The following CHD2 variants were observed in gnomAD, a reference collection of about 807,000 sequenced individuals.
CHD2 encodes the protein ATP-dependent chromatin remodeler CHD2.
A neutral mutation model predicts 243.9 loss-of-function variants in CHD2; 28 were observed. The observed-to-expected ratio is 0.11, with a 90% CI of 0.09 to 0.16. The LOEUF is 0.16. Ranked by LOEUF, CHD2 falls within the 10% of genes least tolerant of loss-of-function variation. The pLI is 1.00. For missense variants in CHD2, 1,386 were observed against 2,209.8 expected, an observed-to-expected ratio of 0.63 and a Z score of 7.47; for synonymous variants, 775 against 779.0, an observed-to-expected ratio of 0.99 and a Z score of 0.09.
intron 2 of CHD2, among the ~76,000 whole-genome samples, chr15:92,914,330 T>G (rs1034596952): frequency 5.9e-5 from 9 of 152,246 alleles, no homozygotes; most frequent in Non-Finnish European, 5.9e-5. Flanking sequence ...TTTTGTCTTT[T>G]GTGTATTAGC....
chr15:93,014,868 A>G lies in CHD2; in HGVS notation c.4865A>G (p.Asp1622Gly). ...HGPQMHGHPR[D>G]NYNHPNKRHF... The stretch of plus-strand genomic sequence containing the variant: ...CCACAGATGCATGGACACCCAAGAG[A>G]TAACTACAATCACCCCAACAAGAGA... Residue 1622 changes from aspartate (D) to glycine (G), a missense_variant, in exon 37 of 39, where the codon GAT (aspartate) becomes GGT (glycine). Around this residue, in one of 19 missense-constraint regions of CHD2, gnomAD observed 347 missense variants for 341.6 expected, o/e 1.02. Transcript: ENST00000394196. 6.2e-7 allele frequency: 1 copy of G among 1,614,148 alleles called. No individual in the cohort carries two copies. The highest frequency in any genetic ancestry group is 8.5e-7 in the Non-Finnish European group (1 of 1,180,026).
intron 36 of CHD2, among the ~76,000 whole-genome samples, chr15:93,013,158 A>G (rs1242042496): frequency 1.3e-5 from 2 of 152,364 alleles, no homozygotes; most frequent in East Asian, 1.9e-4. Flanking sequence ...AGTATTTGTT[A>G]TGCTGTGCCC....
Position 93,002,149 on chromosome 15 carries a change from A to G in CHD2, c.4138-28A>G, listed in dbSNP as rs746449160. On this transcript the variant is annotated intron_variant, in intron 32 of 38. Transcript: ENST00000394196. ...TAAGTAGATATAAAATTTGTAGCAA[A>G]AATTCATAGCCCTGTTTTGTTTCCT... The G allele has an allele frequency of 3.1e-5, 49 of 1,571,928 alleles. 1 individual carries two copies. In the East Asian group the frequency reaches 1.1e-3, roughly 34 times the overall value.
At chr15:92,908,215 G>A (rs1014614217) in intron 2 of CHD2, among the ~76,000 whole-genome samples, 2 of 151,378 alleles carry the variant, frequency 1.3e-5, no homozygotes, top group Non-Finnish European at 2.9e-5. Context: ...GTTAGAGAAT[G>A]AATACTGAAT....
chr15:92,952,831 C>A (rs1319575635), intron 13 of CHD2, among the ~76,000 whole-genome samples: 1 of 152,218 alleles, frequency 6.6e-6, no homozygotes, highest in Non-Finnish European at 1.5e-5. Flanking sequence ...CAAGTATGAT[C>A]TGTAGCCTAC....
At chr15:92,983,264 C>T (rs1320215083) in intron 24 of CHD2, among the ~76,000 whole-genome samples, 1 of 152,166 alleles carries the variant, frequency 6.6e-6, no homozygotes, top group Non-Finnish European at 1.5e-5. Context: ...CAATAAAAAC[C>T]TGCACTTGTG....
At chr15:92,951,555 ACT>A (rs1174692734) in intron 13 of CHD2, among the ~76,000 whole-genome samples, 22 of 152,338 alleles carry the variant, frequency 1.4e-4, no homozygotes, top group South Asian at 6.2e-4. Context: ...CAGGAATGTT[ACT>A]ACATTACATA....
At chr15:92,999,309 C>A (rs977303518) in intron 31 of CHD2, among the ~76,000 whole-genome samples, 1 of 152,082 alleles carries the variant, frequency 6.6e-6, no homozygotes, top group Non-Finnish European at 1.5e-5. Flanking sequence ...GCCTGTTGTT[C>A]TGTCTGTCTC....
At chr15:93,002,698 C>A (rs2054272820) in intron 33 of CHD2, among the ~76,000 whole-genome samples, 1 of 152,190 alleles carries the variant, frequency 6.6e-6, no homozygotes, top group Admixed American at 6.5e-5. Context: ...GAGTCAAAAA[C>A]AAATATTAGC....
chr15:93,008,635 C>CT (rs375364636), intron 34 of CHD2, among the ~76,000 whole-genome samples: 36 of 152,278 alleles, frequency 2.4e-4, no homozygotes, highest in African/African-American at 7.2e-4. Flanking sequence ...GGGCTTGTCT[C>CT]TTTTAAGGAC....
chr15:92,910,308 C>T (rs941276435), intron 2 of CHD2, among the ~76,000 whole-genome samples: 3 of 152,072 alleles, frequency 2.0e-5, no homozygotes, highest in Non-Finnish European at 2.9e-5. Flanking sequence ...ATGTTAGTAA[C>T]CCTCCTAAAG....
intron 26 of CHD2, 177 bp from the exon 27 acceptor site, chr15:92,991,299 A>T (rs966836496): frequency 4.1e-6 from 2 of 489,734 alleles, no homozygotes; most frequent in Non-Finnish European, 7.2e-6. Context: ...CATTATTTTA[A>T]GTTGACTAGT....
intron 16 of CHD2, among the ~76,000 whole-genome samples, chr15:92,957,505 C>T (rs1273103741): frequency 6.6e-6 from 1 of 152,034 alleles, no homozygotes; most frequent in African/African-American, 2.4e-5. Context: ...TGTTCTCATT[C>T]ATCTCATGTC....
rs533693756 is a variant in CHD2 at position 92,967,205 on chromosome 15, A to G, written c.2001-120A>G. On this transcript the variant is annotated intron_variant, in intron 16 of 38. Transcript: ENST00000394196. ...CCCCTTTTTGTTTTCCCTTCTATTT[A>G]AGAGCTCTAGTGATTGATAATGTCT... 58 of 654,038 alleles carry G rather than the reference A, an allele frequency of 8.9e-5. No homozygotes were observed. The African/African-American group carries it at 9.2e-4, about 10-fold the overall frequency. The allele number at this position is 654,038 out of a possible 1,614,324, so 40.5% of individuals were successfully genotyped here.
intron 2 of CHD2, chr15:92,904,876 C>T (rs2052590331): frequency 2.6e-6 from 4 of 1,530,038 alleles, no homozygotes; most frequent in Non-Finnish European, 3.5e-6. Flanking sequence ...TTAGTGAAAA[C>T]CTCTTGACGG....
chr15:92,974,604 T>G (rs571008820), intron 19 of CHD2: 28 of 315,450 alleles, frequency 8.9e-5, no homozygotes, highest in Admixed American at 1.9e-4. Flanking sequence ...TTCGTCTTTC[T>G]CCTTTTAGGT....
At chr15:93,020,279 C>T (rs373460860) in intron 38 of CHD2, 21 bp downstream of exon 38, 49 of 1,613,864 alleles carry the variant, frequency 3.0e-5, no homozygotes, top group African/African-American at 5.3e-5. Flanking sequence ...GGCTGTGAGA[C>T]ACCAGGTGCC....
In CHD2 at chr15:93,024,437, A is replaced by G; in HGVS notation, c.5219A>G (p.Asp1740Gly). Residue 1740 changes from aspartate (D) to glycine (G), a missense_variant, in exon 39 of 39, where the codon GAT (aspartate) becomes GGT (glycine). Transcript: ENST00000394196. Reference protein sequence around the residue: ...EFRPQNYHQQDFRRMSDHRPA... With the variant: ...EFRPQNYHQQGFRRMSDHRPA... ...AGGCCTCAAAATTACCACCAGCAGG[A>G]TTTCCGACGAATGTCTGATCACCGC... 6.2e-7 allele frequency: 1 copy of G among 1,614,172 alleles called. No homozygotes were observed. Among genetic ancestry groups the G allele is most frequent in the South Asian group, 1.1e-5 (1 of 91,086 alleles).
At chr15:92,905,083 TC>T in intron 2 of CHD2, 6 of 1,293,704 alleles carry the variant, frequency 4.6e-6, no homozygotes, top group Non-Finnish European at 6.4e-6. Flanking sequence ...AATTTCACGT[TC>T]AATAACATTA....
Sources: gnomAD v4.1 joint callset for allele counts (sites outside exome capture counted in the v4.1 genomes callset) on GRCh38, gnomAD v4.1.1 for gene constraint, gnomAD v4.1.1 regional missense constraint, MANE v1.5 for transcripts, NCBI Gene and HGNC (gene_info 2026-07-23, HGNC 2026-07-21) for gene names.